The following RABGAP1L variants were observed in gnomAD, a reference collection of about 807,000 sequenced individuals.
The protein encoded by RABGAP1L is rab GTPase-activating protein 1-like.
A neutral mutation model predicts 137.7 loss-of-function variants in RABGAP1L; 63 were observed. That is an observed-to-expected ratio of 0.46 (90% confidence interval 0.37 to 0.56). The LOEUF is 0.56. RABGAP1L is among the 20% of genes least tolerant of loss of function. RABGAP1L has a pLI of 0.00. For synonymous variants in RABGAP1L, 431 were observed against 433.7 expected, an observed-to-expected ratio of 0.99 and a Z score of 0.08; for missense variants, 1,095 against 1,244.0, an observed-to-expected ratio of 0.88 and a Z score of 1.80.
At chr1:174,195,816 TCTTTCTTTCTATC>T (rs1397646314) in intron 1 of RABGAP1L, among the ~76,000 whole-genome samples, 32 of 145,240 alleles carry the variant, frequency 2.2e-4, no homozygotes, top group South Asian at 4.5e-4. Flanking sequence ...TTTCTATCCT[TCTTTCTTTCTATC>T]CTTCTTCTTC....
At chr1:174,546,793 G>A (rs1018158093) in intron 13 of RABGAP1L, among the ~76,000 whole-genome samples, 6 of 152,088 alleles carry the variant, frequency 3.9e-5, no homozygotes, top group Non-Finnish European at 7.4e-5. Flanking sequence ...CACTTTGGGA[G>A]GCCAAGGCAG....
chr1:174,680,672 G>T (rs1677992905), intron 14 of RABGAP1L, among the ~76,000 whole-genome samples: 1 of 152,028 alleles, frequency 6.6e-6, no homozygotes, highest in African/African-American at 2.4e-5. Context: ...GAGGTGGGCG[G>T]ATCACTTGAG....
intron 19 of RABGAP1L, among the ~76,000 whole-genome samples, chr1:174,832,283 A>G (rs1692186815): frequency 6.8e-6 from 1 of 146,186 alleles, no homozygotes; most frequent in Non-Finnish European, 1.5e-5. Flanking sequence ...ATAGAGCAAG[A>G]CTCTATCTCA....
chr1:174,657,853 T>G (rs1173790900), intron 14 of RABGAP1L, among the ~76,000 whole-genome samples: 1 of 152,190 alleles, frequency 6.6e-6, no homozygotes, highest in African/African-American at 2.4e-5. Flanking sequence ...TGTATCTACC[T>G]TCTCAGACAG....
chr1:174,535,489 C>G (rs1427835681), intron 13 of RABGAP1L, among the ~76,000 whole-genome samples: 1 of 152,162 alleles, frequency 6.6e-6, no homozygotes. Context: ...TGGGTAGTTA[C>G]TATTAAGAGA....
intron 13 of RABGAP1L, among the ~76,000 whole-genome samples, chr1:174,560,561 C>CT (rs1226005537): frequency 3.9e-5 from 6 of 152,110 alleles, no homozygotes; most frequent in African/African-American, 1.4e-4. Context: ...TATTTATTTA[C>CT]TTTTTTCAGC....
chr1:174,195,407 CAA>C (rs1667498001), intron 1 of RABGAP1L, among the ~76,000 whole-genome samples: 1 of 152,052 alleles, frequency 6.6e-6, no homozygotes, highest in Admixed American at 6.5e-5. Context: ...CCTATATACT[CAA>C]AATCTGTACA....
intron 1 of RABGAP1L, among the ~76,000 whole-genome samples, chr1:174,164,247 C>T (rs1221277667): frequency 6.6e-6 from 1 of 151,906 alleles, no homozygotes; most frequent in African/African-American, 2.4e-5. Context: ...GTGTAATTTG[C>T]CTTCTGGTGA....
At chr1:174,218,530 T>C (rs1469437559) in intron 1 of RABGAP1L, among the ~76,000 whole-genome samples, 2 of 152,202 alleles carry the variant, frequency 1.3e-5, no homozygotes, top group Non-Finnish European at 2.9e-5. Flanking sequence ...GTGAAGGCAA[T>C]ATAGAAGCTT....
intron 18 of RABGAP1L, among the ~76,000 whole-genome samples, chr1:174,795,341 C>G (rs993622029): frequency 2.0e-5 from 3 of 152,126 alleles, no homozygotes; most frequent in Admixed American, 6.6e-5. Flanking sequence ...CACTCACTTT[C>G]CATACCAGCA....
Position 174,460,239 on chromosome 1 carries a change from TTC to T in RABGAP1L, c.1710+66095_1710+66096del, listed in dbSNP as rs1158229981. ...CTTTCACATAATTAACTTCCTTTTT[TTC>T]CTCCTCATTCATTTAGTTATTTTTA... On this transcript the variant is annotated intron_variant, in intron 13 of 25. Coordinates refer to ENST00000681986, the MANE Select transcript of RABGAP1L (RefSeq NM_001366446.1). 2.1e-5 allele frequency among the ~76,000 whole-genome samples: 3 copies of T among 143,510 alleles called. No homozygotes were observed. The Admixed American group carries it at 2.1e-4, about 10-fold the overall frequency. The allele number at this position is 143,510 out of a possible 152,430, so 94.1% of individuals were successfully genotyped here.
At chr1:174,379,011 C>A (rs1188662988) in intron 12 of RABGAP1L, among the ~76,000 whole-genome samples, 1 of 131,702 alleles carries the variant, frequency 7.6e-6, no homozygotes, top group South Asian at 2.3e-4. Flanking sequence ...ATATGGCTAG[C>A]GAGTTTTCCC....
intron 17 of RABGAP1L, among the ~76,000 whole-genome samples, chr1:174,711,401 A>G (rs1027325873): frequency 1.3e-5 from 2 of 151,122 alleles, no homozygotes; most frequent in African/African-American, 4.9e-5. Context: ...TCAGAGGGAG[A>G]GGCGTGGGTG....
intron 13 of RABGAP1L, among the ~76,000 whole-genome samples, chr1:174,569,681 A>G (rs1238307639): frequency 6.6e-6 from 1 of 152,196 alleles, no homozygotes; most frequent in Non-Finnish European, 1.5e-5. Flanking sequence ...CTTGTATTGT[A>G]TAGCTCAGAA....
At chr1:174,326,971 AT>A (rs1007045449) in intron 11 of RABGAP1L, among the ~76,000 whole-genome samples, 7 of 152,044 alleles carry the variant, frequency 4.6e-5, no homozygotes, top group East Asian at 1.9e-4. Flanking sequence ...CAGTAAAGCT[AT>A]TTTTTTTAAA....
At chr1:174,956,687 A>C (rs1320703177) in intron 19 of RABGAP1L, among the ~76,000 whole-genome samples, 1 of 143,504 alleles carries the variant, frequency 7.0e-6, no homozygotes, top group Non-Finnish European at 1.5e-5. Context: ...TCGCTCTATC[A>C]CCCAGGCTGG....
intron 13 of RABGAP1L, among the ~76,000 whole-genome samples, chr1:174,531,459 C>G (rs1412885928): frequency 6.6e-6 from 1 of 151,772 alleles, no homozygotes; most frequent in African/African-American, 2.4e-5. Context: ...AAATATAGGG[C>G]AGAAAAAAAG....
chr1:174,743,067 C>T (rs574718644), intron 17 of RABGAP1L, among the ~76,000 whole-genome samples: 30 of 152,120 alleles, frequency 2.0e-4, no homozygotes, highest in Non-Finnish European at 3.8e-4. Flanking sequence ...AAGCCAATGA[C>T]TAAGATGATG....
intron 23 of RABGAP1L, 26 bp downstream of exon 23, chr1:174,978,916 G>A (rs1327840217): frequency 4.7e-6 from 7 of 1,474,316 alleles, no homozygotes; most frequent in Middle Eastern, 1.8e-4. Context: ...GGCACATAGA[G>A]CTAGTTATAG....
Sources: allele counts gnomAD v4.1 joint callset (sites outside exome capture counted in the v4.1 genomes callset), GRCh38; gene constraint gnomAD v4.1.1; transcripts MANE v1.5; gene names NCBI Gene and HGNC (gene_info 2026-07-23, HGNC 2026-07-21).